RAD51B: variants seen among roughly 807,000 people sequenced by gnomAD.
The protein encoded by RAD51B is DNA repair protein RAD51 homolog 2.
RAD51B carries 38 observed loss-of-function variants against 42.2 expected under a neutral mutation model. The observed-to-expected ratio is 0.90, with a 90% confidence interval of 0.70 to 1.18. RAD51B has a LOEUF of 1.18. RAD51B is among the 50% of genes most tolerant of loss of function. RAD51B has a pLI of 0.00. For missense variants in RAD51B, 373 were observed against 400.7 expected (o/e 0.93, Z 0.59); for synonymous variants, 154 against 145.2 (o/e 1.06, Z -0.43).
intron 10 of RAD51B, among the ~76,000 whole-genome samples, chr14:68,524,705 G>T (rs989223892): frequency 4.6e-5 from 7 of 152,226 alleles, no homozygotes; most frequent in Non-Finnish European, 1.0e-4. Flanking sequence ...GACCCCACAG[G>T]ATGGTTCTTT....
intron 7 of RAD51B, among the ~76,000 whole-genome samples, chr14:68,214,967 G>T (rs754427522): frequency 5.3e-5 from 8 of 152,144 alleles, no homozygotes; most frequent in African/African-American, 4.8e-5. Flanking sequence ...ATGGAAAAAA[G>T]AACTTGATAT....
chr14:68,218,422 T>G (rs1160804211), intron 7 of RAD51B, among the ~76,000 whole-genome samples: 1 of 152,264 alleles, frequency 6.6e-6, no homozygotes, highest in Non-Finnish European at 1.5e-5. Flanking sequence ...TACATTTCAT[T>G]AACAGTTTTT....
intron 11 of RAD51B, among the ~76,000 whole-genome samples, chr14:68,680,694 C>T (rs1461222208): frequency 6.6e-6 from 1 of 152,126 alleles, no homozygotes; most frequent in Admixed American, 6.5e-5. Flanking sequence ...GAACATTAGT[C>T]AATGCCCAGT....
chr14:68,385,680 G>A (rs935086577), intron 8 of RAD51B, among the ~76,000 whole-genome samples: 11 of 152,228 alleles, frequency 7.2e-5, no homozygotes, highest in South Asian at 4.1e-4. Flanking sequence ...ACTGGGATAC[G>A]CAAATTGTTC....
intron 10 of RAD51B, among the ~76,000 whole-genome samples, chr14:68,605,023 G>A (rs183041232): frequency 3.3e-5 from 5 of 152,292 alleles, no homozygotes; most frequent in Admixed American, 2.6e-4. Context: ...CCACCGGTGT[G>A]GCCCAGGCGG....
At chr14:67,910,387 C>A (rs2043929541) in intron 7 of RAD51B, among the ~76,000 whole-genome samples, 1 of 50,076 alleles carries the variant, frequency 2.0e-5, no homozygotes, top group Non-Finnish European at 3.0e-5. Flanking sequence ...GCCTGGGCGA[C>A]AGAGCGAGAC....
intron 7 of RAD51B, among the ~76,000 whole-genome samples, chr14:67,937,971 C>T (rs1218088565): frequency 6.6e-6 from 1 of 152,064 alleles, no homozygotes; most frequent in South Asian, 2.1e-4. Flanking sequence ...TCTACCTTCT[C>T]AAGGTTTTTC....
intron 3 of RAD51B, among the ~76,000 whole-genome samples, chr14:67,825,891 A>T (rs1256225003): frequency 6.6e-6 from 1 of 152,034 alleles, no homozygotes; most frequent in Non-Finnish European, 1.5e-5. Context: ...CTACCAAGCC[A>T]ACTTATTTTT....
chr14:68,619,036 G>C (rs1242425221), intron 10 of RAD51B, among the ~76,000 whole-genome samples: 2 of 152,188 alleles, frequency 1.3e-5, no homozygotes, highest in East Asian at 3.8e-4. Flanking sequence ...TCAAGGTCAA[G>C]TTCACACAAG....
intron 9 of RAD51B, among the ~76,000 whole-genome samples, 190 bp downstream of exon 9, chr14:68,411,717 C>T (rs560164548): frequency 6.6e-6 from 1 of 152,268 alleles, no homozygotes; most frequent in East Asian, 1.9e-4. Context: ...ACAAGTCACA[C>T]ACAGGAAAAA....
At chr14:68,344,730 G>A (rs2082640682) in intron 8 of RAD51B, among the ~76,000 whole-genome samples, 1 of 151,940 alleles carries the variant, frequency 6.6e-6, no homozygotes, top group South Asian at 2.1e-4. Context: ...GGCAGATCAC[G>A]AGGTCAGGAG....
At chr14:67,863,656 A>G (rs2042232643) in intron 4 of RAD51B, among the ~76,000 whole-genome samples, 1 of 150,728 alleles carries the variant, frequency 6.6e-6, no homozygotes, top group South Asian at 2.1e-4. Flanking sequence ...TCTCAATGTT[A>G]AAAAAAAAGT....
In RAD51B at chr14:68,513,168, AAAG is replaced by A. The variant is rs1444733329; in HGVS notation, c.1036+44920_1036+44922del. The stretch of plus-strand genomic sequence containing the variant: ...AGGTTTTGGAGGAGAGTGATGCAGC[AAAG>A]ATGAACATTCAGAGGCTATAGAGAG... On this transcript the variant is annotated intron_variant, in intron 10 of 10. Coordinates refer to the RAD51B transcript ENST00000487270. 2.0e-5 allele frequency among the ~76,000 whole-genome samples: 3 copies of A among 152,284 alleles called. No homozygotes were observed. In the East Asian group the frequency reaches 5.8e-4, roughly 29 times the overall value.
intron 8 of RAD51B, among the ~76,000 whole-genome samples, chr14:68,334,271 A>G (rs1262328478): frequency 1.3e-5 from 2 of 152,186 alleles, no homozygotes; most frequent in Non-Finnish European, 2.9e-5. Context: ...ATAAACAGTC[A>G]ACACATACTT....
intron 10 of RAD51B, among the ~76,000 whole-genome samples, chr14:68,520,208 A>G (rs1476453572): frequency 6.6e-6 from 1 of 152,248 alleles, no homozygotes; most frequent in African/African-American, 2.4e-5. Flanking sequence ...TTAATGGGCA[A>G]CTGGGGTAGT....
chr14:67,976,410 A>C (rs1297080349), intron 7 of RAD51B, among the ~76,000 whole-genome samples: 1 of 151,532 alleles, frequency 6.6e-6, no homozygotes, highest in Non-Finnish European at 1.5e-5. Context: ...GAGCCACTCC[A>C]CTTGGCTCAA....
At chr14:68,563,038 C>T (rs1336525402) in intron 10 of RAD51B, 2 of 985,342 alleles carry the variant, frequency 2.0e-6, no homozygotes, top group Admixed American at 6.1e-5. Context: ...CCTCTCTCAC[C>T]CTGGCCGCTT....
At position 67,921,567 on chromosome 14, in the gene RAD51B, T is replaced by TCACACA. The variant is rs3219795; in HGVS notation, c.756+34414_756+34419dup. ...CTATGTGCATGTACATATGTGCACATCACACACACACACACACACACACAC... is the reference window on the plus strand; with the variant it reads ...CTATGTGCATGTACATATGTGCACATCACACACACACACACACACACACACACACAC... On this transcript the variant is annotated intron_variant, in intron 7 of 10. Coordinates refer to ENST00000471583, the MANE Select transcript of RAD51B (RefSeq NM_133510.4). Among the ~76,000 whole-genome samples the TCACACA allele has an allele frequency of 6.4e-3, 810 of 125,940 alleles. 6 individuals carry two copies. Among genetic ancestry groups the TCACACA allele is most frequent in the African/African-American group, 0.013 (434 of 33,818 alleles). The allele number at this position is 125,940 out of a possible 152,430, so 82.6% of individuals were successfully genotyped here.
intron 10 of RAD51B, among the ~76,000 whole-genome samples, chr14:68,490,076 C>G (rs1402506403): frequency 6.6e-6 from 1 of 152,124 alleles, no homozygotes; most frequent in Non-Finnish European, 1.5e-5. Flanking sequence ...CTTGTAAGAT[C>G]CAATCAAGTG....
Sources: gnomAD v4.1 joint callset for allele counts (sites outside exome capture counted in the v4.1 genomes callset) on GRCh38, gnomAD v4.1.1 for gene constraint, MANE v1.5 for transcripts, NCBI Gene and HGNC (gene_info 2026-07-23, HGNC 2026-07-21) for gene names.